The following ARPP19 variants were observed in gnomAD, a reference collection of about 807,000 sequenced individuals.
The protein encoded by ARPP19 is cAMP regulated phosphoprotein 19.
In ARPP19, 8 loss-of-function variants were observed where a neutral mutation model predicts 12.0. That is an observed-to-expected ratio of 0.67 (90% CI 0.39 to 1.21). The LOEUF is 1.21. Ranked by LOEUF, ARPP19 falls within the 50% of genes most tolerant of loss-of-function variation. The pLI is 0.01. For missense variants in ARPP19, 102 were observed against 136.3 expected (o/e 0.75, Z 1.25); for synonymous variants, 47 against 50.4 (o/e 0.93, Z 0.29).
intron 1 of ARPP19, among the ~76,000 whole-genome samples, chr15:52,560,898 G>C (rs981481620): frequency 1.3e-5 from 2 of 152,194 alleles, no homozygotes; most frequent in Non-Finnish European, 2.9e-5. Context: ...CACGACAAGG[G>C]AGGCAGACGA....
intron 2 of ARPP19, among the ~76,000 whole-genome samples, chr15:52,552,507 G>A (rs2077943296): frequency 6.9e-6 from 1 of 145,978 alleles, no homozygotes; most frequent in Non-Finnish European, 1.5e-5. Flanking sequence ...AGAGTCATGT[G>A]AACCTGGGAG....
rs368087804 is a variant in ARPP19, at chr15:52,557,018, C to T, written c.168+82G>A. ...ATACCTGATAAAGTACAATGCTATA[C>T]GCACAGATATCCGTTTCACAATCTG... On this transcript the variant is annotated intron_variant, in intron 2 of 2. Coordinates refer to ENST00000249822, the MANE Select transcript of ARPP19 (RefSeq NM_006628.6). 88 of 1,439,002 alleles carry T rather than the reference C, an allele frequency of 6.1e-5. 2 individuals are homozygous for T. In the Admixed American group the frequency reaches 9.4e-4, roughly 15 times the overall value. 89.1% of individuals were successfully genotyped at this position (1,439,002 alleles called of 1,614,324 possible).
At chr15:52,568,712 A>T (rs1435108630) in intron 1 of ARPP19, 136 bp downstream of exon 1, 1 of 544,766 alleles carries the variant, frequency 1.8e-6, no homozygotes, top group East Asian at 3.6e-5. Context: ...GCGGGAAGCC[A>T]AAGGTGGGGC....
Position 52,551,844 on chromosome 15 carries a change from C to T in ARPP19, c.*90G>A, listed in dbSNP as rs1291476743. 4 of 955,738 alleles carry T rather than the reference C, an allele frequency of 4.2e-6. No individual in the cohort carries two copies. The highest frequency in any genetic ancestry group is 6.5e-6 in the Non-Finnish European group (4 of 615,712). 59.2% of individuals were successfully genotyped at this position (955,738 alleles called of 1,614,324 possible). A position where few individuals can be genotyped will look rare whatever the true frequency, so the allele number is the denominator to read the frequency against. On this transcript the variant is annotated 3_prime_UTR_variant, in exon 3 of 3. Coordinates refer to ENST00000249822, the MANE Select transcript of ARPP19 (RefSeq NM_006628.6). ...CTGCAAAGCTGTCAGTCTCAAATGA[C>T]TAGTGAATGAAAGGAAATAAAAAGT...
chr15:52,552,702 T>G (rs1161998665), intron 2 of ARPP19, among the ~76,000 whole-genome samples: 2 of 151,316 alleles, frequency 1.3e-5, no homozygotes, highest in Non-Finnish European at 2.9e-5. Flanking sequence ...AGTCCCAGAC[T>G]CAGTGAAATA....
chr15:52,556,859 T>A, intron 2 of ARPP19: 1 of 377,916 alleles, frequency 2.6e-6, no homozygotes, highest in Non-Finnish European at 4.7e-6. Context: ...GGTTCTGTTA[T>A]ATCTGCACTA....
At chr15:52,552,163 T>C in intron 2 of ARPP19, 59 bp from the exon 3 acceptor site, 1 of 962,008 alleles carries the variant, frequency 1.0e-6, no homozygotes, top group Non-Finnish European at 1.7e-6. Context: ...ATTTAAGATG[T>C]CGATGCAACC....
chr15:52,552,874 T>C (rs1226984846), intron 2 of ARPP19, among the ~76,000 whole-genome samples: 1 of 152,072 alleles, frequency 6.6e-6, no homozygotes, highest in Non-Finnish European at 1.5e-5. Context: ...GTCAGGAGTT[T>C]GAAACCAGAA....
chr15:52,563,740 C>CT (rs1237249923), intron 1 of ARPP19, among the ~76,000 whole-genome samples: 1 of 152,200 alleles, frequency 6.6e-6, no homozygotes, highest in Non-Finnish European at 1.5e-5. Flanking sequence ...GCAAATTCTC[C>CT]TCTATCTGCT....
chr15:52,565,117 AG>A (rs1234778500), intron 1 of ARPP19, among the ~76,000 whole-genome samples: 3 of 151,624 alleles, frequency 2.0e-5, no homozygotes, highest in Non-Finnish European at 2.9e-5. Flanking sequence ...GTGCCATCAA[AG>A]GTCCCTGTGG....
At chr15:52,559,125 T>C (rs1240075190) in intron 1 of ARPP19, among the ~76,000 whole-genome samples, 1 of 152,248 alleles carries the variant, frequency 6.6e-6, no homozygotes, top group Non-Finnish European at 1.5e-5. Flanking sequence ...GAGCCTCTTT[T>C]TATGTTGCAG....
chr15:52,562,468 C>T (rs1044624302), intron 1 of ARPP19, among the ~76,000 whole-genome samples: 2 of 151,916 alleles, frequency 1.3e-5, no homozygotes, highest in South Asian at 2.1e-4. Context: ...AGTTCTAGAC[C>T]TACCCGGGCA....
intron 1 of ARPP19, chr15:52,557,492 C>G (rs969291313): frequency 3.0e-6 from 1 of 330,522 alleles, no homozygotes; most frequent in Non-Finnish European, 5.5e-6. Flanking sequence ...TCTTGCTTGC[C>G]ATTACTTTTC....
At chr15:52,561,141 A>G (rs1026123840) in intron 1 of ARPP19, among the ~76,000 whole-genome samples, 8 of 152,240 alleles carry the variant, frequency 5.3e-5, no homozygotes, top group African/African-American at 1.9e-4. Flanking sequence ...ATCCACAGTC[A>G]TGTTCAAAAA....
At chr15:52,555,590 A>T (rs1261788151) in intron 2 of ARPP19, among the ~76,000 whole-genome samples, 1 of 151,998 alleles carries the variant, frequency 6.6e-6, no homozygotes, top group African/African-American at 2.4e-5. Flanking sequence ...TATAAGGAGG[A>T]CCTTCCAACT....
chr15:52,568,850 TCTG>T lies in ARPP19; in HGVS notation c.40_42del (p.Gln14del). The T allele has an allele frequency of 6.4e-7, 1 of 1,572,686 alleles. No homozygotes were observed. The highest frequency in any genetic ancestry group is 1.4e-5 in the African/African-American group (1 of 70,544). Reference sequence around the variant, plus strand: ...GGGCTCACGCCCCGCGCGCTCACCTTCTGCTCCTCCGCGGAGGCTGCCTCGGGG... The same window carrying T: ...GGGCTCACGCCCCGCGCGCTCACCTTCTCCTCCGCGGAGGCTGCCTCGGGG... On this transcript the variant is annotated inframe_deletion, in exon 1 of 3. Coordinates refer to ENST00000249822, the MANE Select transcript of ARPP19 (RefSeq NM_006628.6).
intron 1 of ARPP19, 119 bp downstream of exon 1, chr15:52,568,729 G>A: frequency 4.8e-6 from 3 of 623,022 alleles, no homozygotes; most frequent in Non-Finnish European, 7.8e-6. Flanking sequence ...GGGCGCAGGA[G>A]CCTCGGCCTC....
In ARPP19 at chr15:52,551,703, A is replaced by G. The variant is rs1415647609; in HGVS notation, c.*231T>C. 2.2e-5 allele frequency: 10 copies of G among 457,678 alleles called. No individual in the cohort carries two copies. Among genetic ancestry groups the G allele is most frequent in the Non-Finnish European group, 3.9e-5 (10 of 258,616 alleles). The allele number at this position is 457,678 out of a possible 1,614,324, so 28.4% of individuals were successfully genotyped here. On this transcript the variant is annotated 3_prime_UTR_variant, in exon 3 of 3. Coordinates refer to ENST00000249822, the MANE Select transcript of ARPP19 (RefSeq NM_006628.6). ...TAGAAGTTAGGTAATATATACAACT[A>G]TTTTCAAGTAGTTTACTTATGTTGC...
rs1425602372 is a variant in ARPP19 at position 52,547,214 on chromosome 15, AGAC to A, written c.*4717_*4719del. On this transcript the variant is annotated 3_prime_UTR_variant, in exon 3 of 3. Coordinates refer to ENST00000249822, the MANE Select transcript of ARPP19 (RefSeq NM_006628.6). ...CACTGAAAAACATACCACTTTAATA[AGAC>A]AAAACTGCAAATTAAATCAATAGAA... is the stretch of plus-strand genomic sequence containing the variant. The A allele has an allele frequency of 6.6e-6, 1 of 152,234 alleles. No homozygotes were observed. The highest frequency in any genetic ancestry group is 2.4e-5 in the African/African-American group (1 of 41,458). 9.4% of individuals were successfully genotyped at this position (152,234 alleles called of 1,614,324 possible).
Sources: gnomAD v4.1 joint callset for allele counts (sites outside exome capture counted in the v4.1 genomes callset) on GRCh38, gnomAD v4.1.1 for gene constraint, MANE v1.5 for transcripts, NCBI Gene and HGNC (gene_info 2026-07-23, HGNC 2026-07-21) for gene names.